The following SLC6A12 variants were observed in gnomAD, a reference collection of about 807,000 sequenced individuals.
The protein encoded by SLC6A12 is solute carrier family 6 member 12.
Under a neutral mutation model 73.3 loss-of-function variants are expected in SLC6A12, and 50 were observed. The observed-to-expected ratio is 0.68, with a 90% CI of 0.54 to 0.86. The LOEUF (loss-of-function observed/expected upper bound fraction) is 0.86. Ranked by LOEUF, SLC6A12 falls within the 40% of genes least tolerant of loss-of-function variation. The probability of loss-of-function intolerance (pLI) is 0.00; values close to 1 mark genes in which losing one functional copy is unlikely to be tolerated. For missense variants in SLC6A12, 648 were observed against 772.8 expected, an observed-to-expected ratio of 0.84 and a Z score of 1.92; for synonymous variants, 304 against 309.2, an observed-to-expected ratio of 0.98 and a Z score of 0.18.
At chr12:191,966 T>G (rs566714349) in intron 15 of SLC6A12, among the ~76,000 whole-genome samples, 4 of 152,346 alleles carry the variant, frequency 2.6e-5, no homozygotes, top group African/African-American at 9.6e-5. Flanking sequence ...GCAAGATAGA[T>G]TTCTACCTTT....
In SLC6A12 at chr12:192,987, G is replaced by A. The variant is rs564123880; in HGVS notation, c.1530+290C>T. 2.1e-4 allele frequency: 112 copies of A among 522,028 alleles called. No homozygotes were observed. In the South Asian group the frequency reaches 2.6e-3, roughly 12 times the overall value. The allele number at this position is 522,028 out of a possible 1,614,324, so 32.3% of individuals were successfully genotyped here. ...CAAAGGAAGGGAAGGGCTCAGAAGA[G>A]AAGCTCAGACAGACAGGAGACCAAC... On this transcript the variant is annotated intron_variant, in intron 14 of 15. Transcript: ENST00000684302.
the SLC6A12 span, among the ~76,000 whole-genome samples, chr12:184,527 GA>G: frequency 6.6e-6 from 1 of 152,116 alleles, no homozygotes; most frequent in Non-Finnish European, 1.5e-5. Flanking sequence ...GAGGCGGGCG[GA>G]TCACGAGGTC....
intron 10 of SLC6A12, among the ~76,000 whole-genome samples, 180 bp from the exon 11 acceptor site, chr12:197,062 CATCCATCT>C (rs1939906479): frequency 1.3e-5 from 2 of 151,314 alleles, no homozygotes. Flanking sequence ...TCCATCCATC[CATCCATCT>C]ACCCATCCAT....
At chr12:204,790 T>G in intron 3 of SLC6A12, 92 bp from the exon 4 acceptor site, 2 of 1,414,376 alleles carry the variant, frequency 1.4e-6, no homozygotes, top group Non-Finnish European at 1.9e-6. Context: ...AAACCCGCCC[T>G]CCACCATCCT....
chr12:191,059 G>T lies in SLC6A12; in HGVS notation c.*9C>A, dbSNP rs752160309. ...CCGGCTTAGGAGCCGCCTGGCCTCT[G>T]GCCACACCCTACAAATGGGTCTCCT... On this transcript the variant is annotated 3_prime_UTR_variant, in exon 16 of 16. Transcript: ENST00000684302. 7.6e-7 allele frequency: 1 copy of T among 1,311,834 alleles called. No individual in the cohort carries two copies. Among genetic ancestry groups the T allele is most frequent in the South Asian group, 3.1e-5 (1 of 32,232 alleles). 81.3% of individuals were successfully genotyped at this position (1,311,834 alleles called of 1,614,324 possible). A position where few individuals can be genotyped will look rare whatever the true frequency, so the allele number is the denominator to read the frequency against.
At chr12:208,666 GCA>G (rs1315284146) in intron 3 of SLC6A12, among the ~76,000 whole-genome samples, 1 of 152,184 alleles carries the variant, frequency 6.6e-6, no homozygotes, top group African/African-American at 2.4e-5. Context: ...GAGATGGGCA[GCA>G]CATAAGCGTT....
chr12:187,656 G>A (rs761766609), downstream of SLC6A12, among the ~76,000 whole-genome samples: 17 of 131,154 alleles, frequency 1.3e-4, no homozygotes, highest in Middle Eastern at 4.5e-3. Flanking sequence ...AGCACCCACT[G>A]CACACAACGC....
intron 13 of SLC6A12, among the ~76,000 whole-genome samples, chr12:194,339 C>A (rs1222599969): frequency 6.6e-6 from 1 of 152,250 alleles, no homozygotes; most frequent in Non-Finnish European, 1.5e-5. Context: ...AGGCTTAGGG[C>A]AGCAAAATAA....
intron 14 of SLC6A12, 82 bp from the exon 15 acceptor site, chr12:192,730 G>A (rs1478226513): frequency 1.5e-6 from 2 of 1,338,396 alleles, no homozygotes; most frequent in African/African-American, 1.4e-5. Context: ...CAAGGACAGA[G>A]GACAAGTCAG....
At chr12:196,396 G>A (rs1939868063) in intron 11 of SLC6A12, 135 bp from the exon 12 acceptor site, 3 of 1,081,252 alleles carry the variant, frequency 2.8e-6, no homozygotes, top group African/African-American at 3.2e-5. Flanking sequence ...AAGAAATGGG[G>A]GTGCCCTGGG....
At chr12:193,503 A>G in intron 13 of SLC6A12, 126 bp from the exon 14 acceptor site, 1 of 641,694 alleles carries the variant, frequency 1.6e-6, no homozygotes, top group African/African-American at 1.8e-5. Context: ...AAACTGGAAC[A>G]GGGCACGTGA....
chr12:197,086 C>T (rs71447481), intron 10 of SLC6A12, among the ~76,000 whole-genome samples: 17 of 18,780 alleles, frequency 9.1e-4, no homozygotes, highest in South Asian at 4.1e-3. Flanking sequence ...TCCATCCATC[C>T]ATCCATCCAT....
At position 202,855 on chromosome 12, in the gene SLC6A12, G is replaced by T. The variant is rs371597503; in HGVS notation, c.375C>A (p.Ile125=). 6.2e-7 allele frequency: 1 copy of T among 1,613,754 alleles called. No individual in the cohort carries two copies. Among genetic ancestry groups the T allele is most frequent in the African/African-American group, 1.3e-5 (1 of 74,842 alleles). The stretch of plus-strand genomic sequence containing the variant: ...TGTAGTAGACATTCAAATATGACTC[G>T]ATGACCACAGATGCCAGACCAATGC... The part of the protein sequence containing the change: ...FQGIGLASVV[I]ESYLNVYYII... The change falls in exon 5 of 16, where the codon ATC becomes ATA. Residue 125 remains isoleucine, a synonymous_variant. Coordinates refer to ENST00000684302, the MANE Select transcript of SLC6A12 (RefSeq NM_001122848.3).
At chr12:202,361 C>T (rs1348649355) in intron 5 of SLC6A12, among the ~76,000 whole-genome samples, 2 of 152,162 alleles carry the variant, frequency 1.3e-5, no homozygotes, top group Non-Finnish European at 2.9e-5. Context: ...CTGTTCTTAC[C>T]ACCAGACTGT....
chr12:203,018 G>T, intron 4 of SLC6A12, 138 bp from the exon 5 acceptor site: 5 of 490,710 alleles, frequency 1.0e-5, no homozygotes, highest in Non-Finnish European at 1.4e-5. Context: ...CCAGTGGCAT[G>T]AGAAGCCATT....
chr12:200,725 G>C lies in SLC6A12; in HGVS notation c.637C>G (p.Leu213Val). The change falls in exon 7 of 16, where the codon CTG (leucine) becomes GTG (valine). Residue 213 changes from leucine (L) to valine (V), a missense_variant. Leu to Val is a conservative substitution (Grantham distance 32). Coordinates refer to ENST00000684302, the MANE Select transcript of SLC6A12 (RefSeq NM_001122848.3). ...IHDLGSLRWE[L>V]ALCLLLAWVI... is the part of the protein sequence containing the mutation. ...CAGGCGAGCAGGAGGCACAGGGCCA[G>C]CTCCCAGCGCAGGGAGCCCAGGTCA... The C allele has an allele frequency of 1.9e-6, 3 of 1,614,090 alleles. No homozygotes were observed. Among genetic ancestry groups the C allele is most frequent in the Non-Finnish European group, 2.5e-6 (3 of 1,179,960 alleles).
At chr12:187,593 A>AAAAAAAAAAAAAAAAAAAAC (rs1939455226), downstream of SLC6A12, among the ~76,000 whole-genome samples, 1 of 4,214 alleles carries the variant, frequency 2.4e-4, no homozygotes, top group Non-Finnish European at 2.5e-3. Flanking sequence ...AAAGAGCAAA[A>AAAAAAAAAAAAAAAAAAAAC]AAAAAAAAAA....
At chr12:193,567 G>A (rs114757719) in intron 13 of SLC6A12, among the ~76,000 whole-genome samples, 190 bp from the exon 14 acceptor site, 1,592 of 152,292 alleles carry the variant, frequency 0.01, 31 homozygotes, top group African/African-American at 0.036. Flanking sequence ...TTCGAGTCAC[G>A]AGGCAGGGGC....
rs1306324529 is a variant in SLC6A12 at position 202,726 on chromosome 12, G to GA, written c.490+13dup. 3 of 1,611,018 alleles carry GA rather than the reference G, an allele frequency of 1.9e-6. No individual in the cohort carries two copies. In the African/African-American group the frequency reaches 4.0e-5, roughly 22 times the overall value. On this transcript the variant is annotated intron_variant, in intron 5 of 15. Coordinates refer to ENST00000684302, the MANE Select transcript of SLC6A12 (RefSeq NM_001122848.3). ...CCTAACAGGCAACATCCCAGGGGCTGAAATGATGGATACCTGTGTTCCAAA... is the reference window on the plus strand; with the variant it reads ...CCTAACAGGCAACATCCCAGGGGCTGAAAATGATGGATACCTGTGTTCCAAA...
Sources: allele counts gnomAD v4.1 joint callset (sites outside exome capture counted in the v4.1 genomes callset), GRCh38; gene constraint gnomAD v4.1.1; transcripts MANE v1.5; gene names NCBI Gene and HGNC (gene_info 2026-07-23, HGNC 2026-07-21).